KAT2B: variants seen among roughly 807,000 people sequenced by gnomAD.
KAT2B encodes lysine acetyltransferase 2B.
KAT2B carries 36 observed loss-of-function variants against 105.9 expected under a neutral mutation model. The observed-to-expected ratio is 0.34, with a 90% confidence interval of 0.26 to 0.45. The LOEUF (loss-of-function observed/expected upper bound fraction) is 0.45, where lower values mean the gene tolerates loss of function less well. Ranked by LOEUF, KAT2B falls within the 20% of genes least tolerant of loss-of-function variation. The pLI, the probability that KAT2B is intolerant of heterozygous loss-of-function variation, is 1.00. For synonymous variants in KAT2B, 397 were observed against 377.9 expected, an observed-to-expected ratio of 1.05 and a Z score of -0.59; for missense variants, 820 against 1,021.6, an observed-to-expected ratio of 0.80 and a Z score of 2.69.
chr3:20,053,998 A>G (rs1697961127), intron 1 of KAT2B, among the ~76,000 whole-genome samples: 1 of 152,178 alleles, frequency 6.6e-6, no homozygotes, highest in Non-Finnish European at 1.5e-5. Context: ...GGGTCTCGCC[A>G]TGTTGGCAAG....
At chr3:20,087,859 C>T (rs1698648133) in intron 2 of KAT2B, among the ~76,000 whole-genome samples, 1 of 152,152 alleles carries the variant, frequency 6.6e-6, no homozygotes, top group Non-Finnish European at 1.5e-5. Context: ...ACTGTAGCCT[C>T]AAACTCCTGG....
chr3:20,141,964 G>T (rs1052558064), intron 13 of KAT2B, among the ~76,000 whole-genome samples: 3 of 152,122 alleles, frequency 2.0e-5, no homozygotes, highest in Non-Finnish European at 4.4e-5. Context: ...AGCTTAATGA[G>T]CAGGTCTGGA....
In KAT2B at chr3:20,153,566, T is replaced by G. The variant is rs912783115; in HGVS notation, c.*1041T>G. 1.3e-5 allele frequency: 2 copies of G among 152,622 alleles called. No homozygotes were observed. Among genetic ancestry groups the G allele is most frequent in the Non-Finnish European group, 1.5e-5 (1 of 68,006 alleles). 9.5% of individuals were successfully genotyped at this position (152,622 alleles called of 1,614,324 possible). A position where few individuals can be genotyped will look rare whatever the true frequency, so the allele number is the denominator to read the frequency against. On this transcript the variant is annotated 3_prime_UTR_variant, in exon 18 of 18. Transcript: ENST00000263754. ...GCTGTCAGTATTTTAACACCCACATTAGTATATGCGTCCAGGGTCATAACC... is the reference window on the plus strand; with the variant it reads ...GCTGTCAGTATTTTAACACCCACATGAGTATATGCGTCCAGGGTCATAACC...
At chr3:20,137,159 A>T (rs1699616759) in intron 12 of KAT2B, 107 bp downstream of exon 12, 3 of 641,476 alleles carry the variant, frequency 4.7e-6, no homozygotes, top group Non-Finnish European at 8.4e-6. Context: ...TACTTATAAG[A>T]ACAGGCATTT....
At chr3:20,059,232 G>A (rs1351844236) in intron 1 of KAT2B, among the ~76,000 whole-genome samples, 1 of 151,718 alleles carries the variant, frequency 6.6e-6, no homozygotes, top group East Asian at 1.9e-4. Flanking sequence ...GGCCAACATG[G>A]TGAAACCCCG....
intron 17 of KAT2B, among the ~76,000 whole-genome samples, chr3:20,149,541 TGAAAAG>T (rs1361671280): frequency 1.6e-5 from 2 of 122,090 alleles, no homozygotes; most frequent in Admixed American, 8.7e-5. Context: ...GTTAAAAATG[TGAAAAG>T]GAAGAGTGAA....
intron 1 of KAT2B, among the ~76,000 whole-genome samples, chr3:20,050,653 C>T (rs1038815863): frequency 6.6e-6 from 1 of 151,576 alleles, no homozygotes; most frequent in African/African-American, 2.4e-5. Context: ...AAAACATTGC[C>T]AGCAATTTTC....
rs1255664354 is a variant in KAT2B, at chr3:20,114,954, C to G, written c.1116C>G (p.Ala372=). ...SPIWDQDFLS[A]SSRTSQLGIQ... ...TCTGGGATCAGGATTTTCTCTCAGCCTCTTCCAGAACCAGCCAGCTAGGCA... is the reference window on the plus strand; with the variant it reads ...TCTGGGATCAGGATTTTCTCTCAGCGTCTTCCAGAACCAGCCAGCTAGGCA... Residue 372 remains alanine (A), a synonymous_variant, in exon 7 of 18, where the codon GCC becomes GCG. Coordinates refer to ENST00000263754, the MANE Select transcript of KAT2B (RefSeq NM_003884.5). 3.7e-6 allele frequency: 6 copies of G among 1,612,810 alleles called. No homozygotes were observed. In the East Asian group the frequency reaches 6.7e-5, roughly 18 times the overall value.
chr3:20,050,599 A>G (rs1236758629), intron 1 of KAT2B, among the ~76,000 whole-genome samples: 1 of 152,258 alleles, frequency 6.6e-6, no homozygotes, highest in South Asian at 2.1e-4. Flanking sequence ...ATTATTGCAT[A>G]TAGCAGTAGT....
intron 13 of KAT2B, among the ~76,000 whole-genome samples, chr3:20,142,639 G>A (rs1225108344): frequency 1.3e-5 from 2 of 152,184 alleles, no homozygotes; most frequent in Non-Finnish European, 2.9e-5. Context: ...GCTACTTTGT[G>A]AGTGTTGACT....
At chr3:20,104,229 G>C (rs1698959929) in intron 5 of KAT2B, among the ~76,000 whole-genome samples, 1 of 152,184 alleles carries the variant, frequency 6.6e-6, no homozygotes, top group South Asian at 2.1e-4. Context: ...CAATGGGAAA[G>C]AGAAACTTGC....
At chr3:20,107,806 CTTTTTTTTTT>C (rs1206858155) in intron 5 of KAT2B, among the ~76,000 whole-genome samples, 19 of 113,758 alleles carry the variant, frequency 1.7e-4, no homozygotes, top group Admixed American at 9.2e-5. Flanking sequence ...TTGCTTTTTC[CTTTTTTTTTT>C]TTTTTTTTTT....
At chr3:20,080,800 T>C (rs1184876170) in intron 2 of KAT2B, among the ~76,000 whole-genome samples, 1 of 152,242 alleles carries the variant, frequency 6.6e-6, no homozygotes, top group Non-Finnish European at 1.5e-5. Flanking sequence ...AAGAGGAATG[T>C]AAATAGTAAC....
At position 20,125,966 on chromosome 3, in the gene KAT2B, G is replaced by A. The variant is rs1263088919; in HGVS notation, c.1475G>A (p.Gly492Asp). ...GCGGCAAGGTTGGAAGAGCGCAGGG[G>A]TGTAATTGAATTTCACGTGGTTGGC... The part of the protein sequence containing the change: ...DEAARLEERR[G>D]VIEFHVVGNS... The change falls in exon 10 of 18, where the codon GGT (glycine) becomes GAT (aspartate). Residue 492 changes from glycine to aspartate, a missense_variant. Gly to Asp is a moderately conservative substitution (Grantham distance 94). Transcript: ENST00000263754. 2 of 1,613,990 alleles carry A rather than the reference G, an allele frequency of 1.2e-6. No homozygotes were observed. Among genetic ancestry groups the A allele is most frequent in the Non-Finnish European group, 1.7e-6 (2 of 1,179,956 alleles).
intron 13 of KAT2B, among the ~76,000 whole-genome samples, chr3:20,141,894 GC>G (rs1314754243): frequency 5.3e-5 from 8 of 151,348 alleles, no homozygotes; most frequent in African/African-American, 1.7e-4. Context: ...ATAAAGCACA[GC>G]GGGCTCCTCT....
Position 20,088,823 on chromosome 3 carries a change from A to G in KAT2B, c.431-6440A>G, listed in dbSNP as rs1214639695. On this transcript the variant is annotated intron_variant, in intron 2 of 17. Transcript: ENST00000263754. ...ATTCAAAAAATCTTTGCGAAGACCA[A>G]TGTCAAGAAGCTTTTTCCTATGTTT... 5.3e-5 allele frequency among the ~76,000 whole-genome samples: 8 copies of G among 152,312 alleles called. No homozygotes were observed. In the South Asian group the frequency reaches 1.7e-3, roughly 32 times the overall value.
chr3:20,125,093 C>A (rs1417847029), intron 9 of KAT2B, among the ~76,000 whole-genome samples: 1 of 152,024 alleles, frequency 6.6e-6, no homozygotes, highest in Non-Finnish European at 1.5e-5. Flanking sequence ...GAGGCCGAGG[C>A]GGGCAGATCA....
intron 11 of KAT2B, among the ~76,000 whole-genome samples, chr3:20,135,609 G>A (rs986535200): frequency 6.6e-5 from 10 of 151,506 alleles, no homozygotes; most frequent in Non-Finnish European, 1.2e-4. Context: ...ACCCGAGATC[G>A]TGCCACTGCA....
At chr3:20,081,842 A>G (rs994879844) in intron 2 of KAT2B, among the ~76,000 whole-genome samples, 9 of 142,786 alleles carry the variant, frequency 6.3e-5, no homozygotes, top group Admixed American at 1.4e-4. Context: ...AGATTTACCT[A>G]TTAGTAACAT....
Sources: allele counts gnomAD v4.1 joint callset (sites outside exome capture counted in the v4.1 genomes callset), GRCh38; gene constraint gnomAD v4.1.1; transcripts MANE v1.5; gene names NCBI Gene and HGNC (gene_info 2026-07-23, HGNC 2026-07-21).